EXOC4: variants seen among roughly 807,000 people sequenced by gnomAD.
EXOC4 encodes the protein SEC8-like 1.
EXOC4 carries 71 observed loss-of-function variants against 107.2 expected under a neutral mutation model. The observed-to-expected ratio is 0.66, with a 90% CI of 0.55 to 0.81. The LOEUF is 0.81. Among genes scored for constraint, EXOC4 ranks in the 30% least tolerant of loss-of-function variants. The pLI is 0.00. For missense variants in EXOC4, 1,108 were observed against 1,189.6 expected, an observed-to-expected ratio of 0.93 and a Z score of 1.01; for synonymous variants, 456 against 441.2, an observed-to-expected ratio of 1.03 and a Z score of -0.42.
intron 14 of EXOC4, among the ~76,000 whole-genome samples, chr7:133,966,018 T>G (rs1258611545): frequency 3.3e-5 from 5 of 152,182 alleles, no homozygotes; most frequent in Non-Finnish European, 7.3e-5. Flanking sequence ...TGGTTTGTAG[T>G]TCTCTTTGAA....
chr7:133,895,615 A>G lies in EXOC4; in HGVS notation c.1751A>G (p.Glu584Gly). Reference sequence around the variant, plus strand: ...CATTTCCAGAGCACAATCATTGTGGAGAAGACAGTTCAAGACCTCCTGAAC... The same window carrying G: ...CATTTCCAGAGCACAATCATTGTGGGGAAGACAGTTCAAGACCTCCTGAAC... ...RPLLQSTIIV[E>G]KTVQDLLNLM... is the part of the protein sequence containing the mutation. Residue 584 changes from glutamate to glycine, a missense_variant, in exon 12 of 18, where the codon GAG becomes GGG. By Grantham distance (98) the Glu-to-Gly change is moderately conservative (BLOSUM62 -2). Transcript: ENST00000253861. The G allele has an allele frequency of 6.2e-7, 1 of 1,614,058 alleles. No individual in the cohort carries two copies. The highest frequency in any genetic ancestry group is 8.5e-7 in the Non-Finnish European group (1 of 1,179,970).
intron 14 of EXOC4, among the ~76,000 whole-genome samples, chr7:133,950,240 A>G (rs1420726559): frequency 6.6e-6 from 1 of 152,146 alleles, no homozygotes; most frequent in East Asian, 1.9e-4. Flanking sequence ...TATATGAGAA[A>G]CTTCCTGAAA....
At position 133,585,013 on chromosome 7, in the gene EXOC4, A is replaced by G. The variant is rs577735244; in HGVS notation, c.1418-45032A>G. On this transcript the variant is annotated intron_variant, in intron 9 of 17. Coordinates refer to ENST00000253861, the MANE Select transcript of EXOC4 (RefSeq NM_021807.4). ...TCAAGGCTCTTTGGAGTCTCTCCCT[A>G]TCTAATTTATTTTTTTGAATGTAAA... is the stretch of plus-strand genomic sequence containing the variant. Among the ~76,000 whole-genome samples the G allele has an allele frequency of 9.8e-5, 15 of 152,338 alleles. No homozygotes were observed. The East Asian group carries it at 2.5e-3, about 25-fold the overall frequency.
intron 10 of EXOC4, among the ~76,000 whole-genome samples, chr7:133,762,655 C>T (rs1039330972): frequency 2.0e-5 from 3 of 151,864 alleles, no homozygotes; most frequent in African/African-American, 2.4e-5. Flanking sequence ...CAATAGGGAA[C>T]GTAAGTTAAT....
intron 7 of EXOC4, among the ~76,000 whole-genome samples, chr7:133,376,835 T>C (rs1796501458): frequency 6.6e-6 from 1 of 152,172 alleles, no homozygotes; most frequent in Admixed American, 6.5e-5. Context: ...ACTATAGATC[T>C]CATACAGCAA....
intron 9 of EXOC4, among the ~76,000 whole-genome samples, chr7:133,542,912 A>G (rs1033768158): frequency 2.6e-5 from 4 of 152,134 alleles, no homozygotes; most frequent in Non-Finnish European, 5.9e-5. Context: ...AAAAACTTAC[A>G]GGTTATAAAT....
At chr7:133,456,581 G>GA in intron 7 of EXOC4, among the ~76,000 whole-genome samples, 1 of 152,160 alleles carries the variant, frequency 6.6e-6, no homozygotes, top group Non-Finnish European at 1.5e-5. Flanking sequence ...GAAACATCAT[G>GA]AATTGAACTC....
At chr7:133,609,828 C>T (rs1047990447) in intron 9 of EXOC4, among the ~76,000 whole-genome samples, 2 of 152,128 alleles carry the variant, frequency 1.3e-5, no homozygotes, top group Non-Finnish European at 2.9e-5. Context: ...TAGAATTGGC[C>T]ACGATGGGTG....
chr7:134,073,509 C>G, the EXOC4 span, among the ~76,000 whole-genome samples: 1 of 152,034 alleles, frequency 6.6e-6, no homozygotes, highest in African/African-American at 2.4e-5. Flanking sequence ...CTCCACTACC[C>G]TTTAGGGACC....
At chr7:133,445,083 T>A (rs1390080381) in intron 7 of EXOC4, among the ~76,000 whole-genome samples, 3 of 152,206 alleles carry the variant, frequency 2.0e-5, no homozygotes, top group African/African-American at 4.8e-5. Context: ...GTATGTGTAC[T>A]GATTGACAAG....
intron 17 of EXOC4, among the ~76,000 whole-genome samples, chr7:134,043,216 T>C (rs1015581595): frequency 1.3e-5 from 2 of 152,182 alleles, no homozygotes; most frequent in Admixed American, 6.5e-5. Flanking sequence ...TAGCTAGTGC[T>C]GGGGCAAGGA....
chr7:133,305,598 C>A (rs1433404078), intron 3 of EXOC4, among the ~76,000 whole-genome samples: 1 of 151,938 alleles, frequency 6.6e-6, no homozygotes, highest in East Asian at 1.9e-4. Context: ...ATAGGGAGGT[C>A]TTTTTACACG....
At chr7:133,791,184 C>G (rs1175458309) in intron 10 of EXOC4, among the ~76,000 whole-genome samples, 1 of 152,258 alleles carries the variant, frequency 6.6e-6, no homozygotes, top group East Asian at 1.9e-4. Flanking sequence ...TGATCTCATT[C>G]AGCAGCTGCC....
intron 11 of EXOC4, among the ~76,000 whole-genome samples, chr7:133,858,162 C>T (rs1372046047): frequency 1.3e-5 from 2 of 152,124 alleles, no homozygotes; most frequent in African/African-American, 2.4e-5. Context: ...ACCCACCATT[C>T]GGTGTGTTCT....
At chr7:133,735,483 G>A (rs375081723) in intron 10 of EXOC4, among the ~76,000 whole-genome samples, 1 of 151,894 alleles carries the variant, frequency 6.6e-6, no homozygotes, top group African/African-American at 2.4e-5. Flanking sequence ...AGTTGCATTA[G>A]AAGATTATGT....
intron 5 of EXOC4, among the ~76,000 whole-genome samples, chr7:133,345,494 G>C (rs1795763482): frequency 6.6e-6 from 1 of 152,026 alleles, no homozygotes; most frequent in African/African-American, 2.4e-5. Context: ...TTGCAGTCCT[G>C]TTATATTTTT....
chr7:133,885,390 C>T (rs1242889879), intron 11 of EXOC4, among the ~76,000 whole-genome samples: 1 of 151,986 alleles, frequency 6.6e-6, no homozygotes, highest in Non-Finnish European at 1.5e-5. Flanking sequence ...AGGCTCTTAT[C>T]CACTACTCCA....
chr7:133,380,973 C>T (rs1184538796), intron 7 of EXOC4, among the ~76,000 whole-genome samples: 1 of 152,118 alleles, frequency 6.6e-6, no homozygotes, highest in African/African-American at 2.4e-5. Context: ...TTTTCTTCGC[C>T]TCTTAACTAT....
intron 9 of EXOC4, among the ~76,000 whole-genome samples, chr7:133,538,456 T>G (rs1800315398): frequency 6.6e-6 from 1 of 152,162 alleles, no homozygotes; most frequent in African/African-American, 2.4e-5. Flanking sequence ...TAATATTCTT[T>G]AACAGTTGTA....
Sources: gnomAD v4.1 joint callset for allele counts (sites outside exome capture counted in the v4.1 genomes callset) on GRCh38, gnomAD v4.1.1 for gene constraint, MANE v1.5 for transcripts, NCBI Gene and HGNC (gene_info 2026-07-23, HGNC 2026-07-21) for gene names.